Variants in EEFSEC observed in about 807,000 individuals in gnomAD.
EEFSEC encodes the protein eukaryotic elongation factor, selenocysteine-tRNA specific.
A neutral mutation model predicts 42.1 loss-of-function variants in EEFSEC; 43 were observed. The ratio of observed to expected loss-of-function variants is 1.02; its 90% CI spans 0.80 to 1.32. The LOEUF (loss-of-function observed/expected upper bound fraction) is 1.32, where lower values mean the gene tolerates loss of function less well. Ranked by LOEUF, EEFSEC falls within the 40% of genes most tolerant of loss-of-function variation. EEFSEC has a pLI of 0.00. For synonymous variants in EEFSEC, 354 were observed against 339.1 expected, an observed-to-expected ratio of 1.04 and a Z score of -0.48; for missense variants, 745 against 803.6, an observed-to-expected ratio of 0.93 and a Z score of 0.88.
chr3:128,399,103 TA>T (rs869107229), intron 6 of EEFSEC, among the ~76,000 whole-genome samples: 4,325 of 120,110 alleles, frequency 0.036, 201 homozygotes, highest in African/African-American at 0.16. Flanking sequence ...AATAAATAAA[TA>T]AAATAAAAAA....
intron 1 of EEFSEC, among the ~76,000 whole-genome samples, chr3:128,237,228 G>A (rs2066022364): frequency 6.6e-6 from 1 of 152,106 alleles, no homozygotes; most frequent in Admixed American, 6.5e-5. Context: ...CCTATACAGA[G>A]ATATTTGGTT....
chr3:128,238,156 G>A (rs898098452), intron 1 of EEFSEC, among the ~76,000 whole-genome samples: 10 of 152,192 alleles, frequency 6.6e-5, no homozygotes, highest in African/African-American at 2.2e-4. Context: ...GAAGTCACAA[G>A]CTCAGGTGCC....
chr3:128,312,536 G>C (rs553448216), intron 4 of EEFSEC, among the ~76,000 whole-genome samples: 1 of 152,380 alleles, frequency 6.6e-6, no homozygotes, highest in East Asian at 1.9e-4. Context: ...TTTAGAAGAG[G>C]CTCCGCCTTC....
the EEFSEC span, among the ~76,000 whole-genome samples, chr3:128,423,927 G>A: frequency 6.6e-6 from 1 of 152,226 alleles, no homozygotes; most frequent in Non-Finnish European, 1.5e-5. Flanking sequence ...GCAGCGGGTG[G>A]TTCAGCACCA....
In EEFSEC at chr3:128,391,759, G is replaced by A. The variant is rs568062893; in HGVS notation, c.1601-16310G>A. The stretch of plus-strand genomic sequence containing the variant: ...GGACTGTGGACTCCACCAGCATAGC[G>A]GCCCCACCTGGCCCACTCAGGCAGT... On this transcript the variant is annotated intron_variant, in intron 6 of 6. Transcript: ENST00000254730. Among the ~76,000 whole-genome samples the A allele has an allele frequency of 1.1e-4, 16 of 152,330 alleles. 1 individual carries two copies. The South Asian group carries it at 2.5e-3, about 24-fold the overall frequency.
the EEFSEC span, among the ~76,000 whole-genome samples, chr3:128,425,807 G>A: frequency 1.3e-5 from 2 of 152,278 alleles, no homozygotes; most frequent in South Asian, 2.1e-4. Flanking sequence ...GGGCTCCAAG[G>A]GCATGAATTA....
At position 128,314,576 on chromosome 3, in the gene EEFSEC, T is replaced by G. The variant is rs145169794; in HGVS notation, c.787-26657T>G. On this transcript the variant is annotated intron_variant, in intron 4 of 6. Coordinates refer to ENST00000254730, the MANE Select transcript of EEFSEC (RefSeq NM_021937.5). Reference sequence around the variant, plus strand: ...CCAGGCTGGTCTTGAACTCCTGGCCTCAAGTGATCCTTCCACCTGTGCCTC... The same window carrying G: ...CCAGGCTGGTCTTGAACTCCTGGCCGCAAGTGATCCTTCCACCTGTGCCTC... Among the ~76,000 whole-genome samples the G allele has an allele frequency of 5.1e-3, 780 of 152,336 alleles. 14 individuals are homozygous for G. The highest frequency in any genetic ancestry group is 0.018 in the African/African-American group (754 of 41,576).
At chr3:128,298,044 T>G (rs536767456) in intron 4 of EEFSEC, among the ~76,000 whole-genome samples, 1 of 152,336 alleles carries the variant, frequency 6.6e-6, no homozygotes, top group African/African-American at 2.4e-5. Context: ...TACAGCAATA[T>G]TTTGCCAGAT....
chr3:128,358,809 A>G (rs1202664191), intron 6 of EEFSEC, among the ~76,000 whole-genome samples: 3 of 152,132 alleles, frequency 2.0e-5, no homozygotes, highest in African/African-American at 7.2e-5. Flanking sequence ...TGCCCAGCAC[A>G]GACCCCCAGG....
intron 1 of EEFSEC, among the ~76,000 whole-genome samples, chr3:128,207,879 A>T (rs1334730667): frequency 6.6e-6 from 1 of 152,130 alleles, no homozygotes; most frequent in East Asian, 1.9e-4. Context: ...CTGGCTGCCA[A>T]ATGAACTTCT....
intron 6 of EEFSEC, among the ~76,000 whole-genome samples, chr3:128,404,234 C>A (rs1382959736): frequency 6.6e-6 from 1 of 152,224 alleles, no homozygotes; most frequent in East Asian, 1.9e-4. Flanking sequence ...TCCAGGTCTC[C>A]CTTTGGTCAG....
intron 4 of EEFSEC, among the ~76,000 whole-genome samples, chr3:128,278,831 G>A (rs1192798569): frequency 1.1e-4 from 17 of 152,170 alleles, no homozygotes; most frequent in African/African-American, 4.1e-4. Flanking sequence ...AGCCTGCATG[G>A]TGCTAGTGCC....
intron 6 of EEFSEC, among the ~76,000 whole-genome samples, chr3:128,373,651 G>A (rs2067678795): frequency 6.6e-6 from 1 of 152,200 alleles, no homozygotes; most frequent in Non-Finnish European, 1.5e-5. Context: ...TGTCCAGGGA[G>A]CTCTGCTATC....
intron 5 of EEFSEC, among the ~76,000 whole-genome samples, chr3:128,354,142 G>A (rs973456362): frequency 2.0e-5 from 3 of 152,034 alleles, no homozygotes; most frequent in Non-Finnish European, 2.9e-5. Context: ...CAGCACTCTC[G>A]AGACCACACG....
At chr3:128,221,767 A>G (rs1390093625) in intron 1 of EEFSEC, among the ~76,000 whole-genome samples, 1 of 152,248 alleles carries the variant, frequency 6.6e-6, no homozygotes, top group Non-Finnish European at 1.5e-5. Flanking sequence ...GATCCTGGAA[A>G]CTAGAAACCA....
At chr3:128,405,078 G>A (rs974328594) in intron 6 of EEFSEC, among the ~76,000 whole-genome samples, 2 of 150,694 alleles carry the variant, frequency 1.3e-5, no homozygotes, top group South Asian at 4.2e-4. Flanking sequence ...GTGCAGTAGC[G>A]CAATCTCGGC....
intron 1 of EEFSEC, among the ~76,000 whole-genome samples, chr3:128,232,235 T>G (rs2065966145): frequency 6.6e-6 from 1 of 152,106 alleles, no homozygotes; most frequent in Non-Finnish European, 1.5e-5. Context: ...ACTCACTGCA[T>G]GAAATAGACA....
chr3:128,225,657 A>G (rs1300338026), intron 1 of EEFSEC, among the ~76,000 whole-genome samples: 1 of 152,262 alleles, frequency 6.6e-6, no homozygotes, highest in Non-Finnish European at 1.5e-5. Flanking sequence ...GGAGGAGGAC[A>G]GAGCACCAGC....
intron 6 of EEFSEC, among the ~76,000 whole-genome samples, chr3:128,386,325 T>C (rs913851791): frequency 1.3e-5 from 2 of 152,160 alleles, no homozygotes; most frequent in Non-Finnish European, 2.9e-5. Context: ...ACCTATGCCC[T>C]GAAAACGTTC....
Sources: allele counts gnomAD v4.1 joint callset (sites outside exome capture counted in the v4.1 genomes callset), GRCh38; gene constraint gnomAD v4.1.1; transcripts MANE v1.5; gene names NCBI Gene and HGNC (gene_info 2026-07-23, HGNC 2026-07-21).